SMYD1: variants seen among roughly 807,000 people sequenced by gnomAD.
SMYD1 encodes the protein histone-lysine N-methyltransferase SMYD1.
A neutral mutation model predicts 54.0 loss-of-function variants in SMYD1; 49 were observed. That is an observed-to-expected ratio of 0.91 (90% CI 0.72 to 1.15). The LOEUF (loss-of-function observed/expected upper bound fraction) is 1.15, where lower values mean the gene tolerates loss of function less well. SMYD1 is among the 50% of genes most tolerant of loss of function. SMYD1 has a pLI of 0.00. For synonymous variants in SMYD1, 269 were observed against 234.2 expected, an observed-to-expected ratio of 1.15 and a Z score of -1.36; for missense variants, 653 against 639.6, an observed-to-expected ratio of 1.02 and a Z score of -0.23.
rs886922542 is a variant in SMYD1 at position 88,101,247 on chromosome 2, T to C, written c.889-1811T>C. The stretch of plus-strand genomic sequence containing the variant: ...TACTGAGGGTGGCTTCACAAAACAA[T>C]GTAAACCGCAAATCGAAAGGAAGCT... On this transcript the variant is annotated intron_variant, in intron 6 of 9. Coordinates refer to ENST00000419482, the MANE Select transcript of SMYD1 (RefSeq NM_198274.4). Among the ~76,000 whole-genome samples, 5 of 152,342 alleles carry C rather than the reference T, an allele frequency of 3.3e-5. No individual in the cohort carries two copies. The East Asian group carries it at 7.7e-4, about 24-fold the overall frequency.
At chr2:88,079,512 T>G (rs558802849) in intron 1 of SMYD1, among the ~76,000 whole-genome samples, 4 of 152,162 alleles carry the variant, frequency 2.6e-5, no homozygotes. Context: ...CCATCCCTGA[T>G]GTCTGCAATA....
Position 88,093,539 on chromosome 2 carries a change from T to C in SMYD1, c.682T>C (p.Phe228Leu), listed in dbSNP as rs376233846. ...CAGTCATGAGGCAGTGAAATCCATGTTTCATACCCAGATGAGGTGGGTCAG... is the reference window on the plus strand; with the variant it reads ...CAGTCATGAGGCAGTGAAATCCATGCTTCATACCCAGATGAGGTGGGTCAG... The part of the protein sequence containing the change: ...NGNHEAVKSM[F>L]HTQMRIELRA... The change falls in exon 5 of 10, where the codon TTT (phenylalanine) becomes CTT (leucine). Residue 228 changes from phenylalanine (F) to leucine (L), a missense_variant. Transcript: ENST00000419482. The C allele has an allele frequency of 1.7e-5, 27 of 1,614,056 alleles. No homozygotes were observed. Among genetic ancestry groups the C allele is most frequent in the Non-Finnish European group, 2.3e-5 (27 of 1,180,042 alleles).
At chr2:88,103,757 C>A (rs1294954900) in intron 7 of SMYD1, among the ~76,000 whole-genome samples, 1 of 152,028 alleles carries the variant, frequency 6.6e-6, no homozygotes, top group Non-Finnish European at 1.5e-5. Context: ...CACTGGCCTG[C>A]GGGGTATTTG....
Position 88,107,647 on chromosome 2 carries a change from C to T in SMYD1, c.1146-724C>T, listed in dbSNP as rs545504586. On this transcript the variant is annotated intron_variant, in intron 8 of 9. Coordinates refer to ENST00000419482, the MANE Select transcript of SMYD1 (RefSeq NM_198274.4). ...CTACTCAAGCCTCAGCAATGGCGGGCGCCCCTCCCCCAGCCTCGCTGCCGC... is the reference window on the plus strand; with the variant it reads ...CTACTCAAGCCTCAGCAATGGCGGGTGCCCCTCCCCCAGCCTCGCTGCCGC... Among the ~76,000 whole-genome samples, 9 of 152,332 alleles carry T rather than the reference C, an allele frequency of 5.9e-5. No homozygotes were observed. In the South Asian group the frequency reaches 1.9e-3, roughly 32 times the overall value.
chr2:88,098,976 C>T (rs534624413), intron 6 of SMYD1, among the ~76,000 whole-genome samples: 7 of 152,222 alleles, frequency 4.6e-5, no homozygotes, highest in Non-Finnish European at 8.8e-5. Context: ...ATTTTTAAAA[C>T]GGGAAAATAA....
At chr2:88,087,754 C>T (rs957131652) in intron 2 of SMYD1, 108 bp from the exon 3 acceptor site, 22 of 977,130 alleles carry the variant, frequency 2.3e-5, no homozygotes, top group Admixed American at 3.0e-5. Flanking sequence ...AGTTTAAAAA[C>T]GTATCTTGGG....
chr2:88,088,674 C>T (rs1027711848), intron 3 of SMYD1, among the ~76,000 whole-genome samples: 2 of 152,076 alleles, frequency 1.3e-5, no homozygotes, highest in African/African-American at 4.8e-5. Flanking sequence ...TTTTCCTCTC[C>T]ACGTTGAAAA....
At chr2:88,081,801 G>A (rs558695531) in intron 1 of SMYD1, among the ~76,000 whole-genome samples, 174 of 151,550 alleles carry the variant, frequency 1.1e-3, no homozygotes, top group African/African-American at 4.1e-3. Flanking sequence ...GTGGAGATCC[G>A]GCAAGTGTAC....
chr2:88,109,735 C>A (rs1674966803), intron 9 of SMYD1, among the ~76,000 whole-genome samples: 1 of 152,130 alleles, frequency 6.6e-6, no homozygotes, highest in Non-Finnish European at 1.5e-5. Context: ...AATATATTAG[C>A]CCCTTAAAAT....
chr2:88,076,632 G>A (rs1674072716), intron 1 of SMYD1, among the ~76,000 whole-genome samples: 1 of 152,192 alleles, frequency 6.6e-6, no homozygotes, highest in Admixed American at 6.5e-5. Flanking sequence ...AGGGAAAGAA[G>A]AAAAGAAGAA....
Position 88,111,745 on chromosome 2 carries a change from A to C in SMYD1, c.*1233A>C, listed in dbSNP as rs1675028183. 4.2e-6 allele frequency: 1 copy of C among 240,300 alleles called. No homozygotes were observed. The highest frequency in any genetic ancestry group is 8.2e-6 in the Non-Finnish European group (1 of 122,282). The allele number at this position is 240,300 out of a possible 1,614,324, so 14.9% of individuals were successfully genotyped here. A position where few individuals can be genotyped will look rare whatever the true frequency, so the allele number is the denominator to read the frequency against. ...GAAATGAGGGTCTTGAGAATCAACCAGTCCCAAGATTAGCCTGTTATCCTG... is the reference window on the plus strand; with the variant it reads ...GAAATGAGGGTCTTGAGAATCAACCCGTCCCAAGATTAGCCTGTTATCCTG... On this transcript the variant is annotated 3_prime_UTR_variant, in exon 10 of 10. Transcript: ENST00000419482.
At chr2:88,108,089 C>G (rs1260494540) in intron 8 of SMYD1, among the ~76,000 whole-genome samples, 1 of 152,216 alleles carries the variant, frequency 6.6e-6, no homozygotes, top group Non-Finnish European at 1.5e-5. Flanking sequence ...TGGCTAGAGT[C>G]CCCAAGCTCA....
intron 5 of SMYD1, among the ~76,000 whole-genome samples, chr2:88,094,361 C>T (rs1166343386): frequency 6.6e-6 from 1 of 152,188 alleles, no homozygotes; most frequent in Non-Finnish European, 1.5e-5. Flanking sequence ...TCCCTAACCT[C>T]TGTGAGAAAT....
chr2:88,100,486 T>C (rs2970923), intron 6 of SMYD1, among the ~76,000 whole-genome samples: 51,881 of 152,032 alleles, frequency 0.34, 9,587 homozygotes, highest in African/African-American at 0.49. Context: ...AGATTAGATA[T>C]TAGGGGTCAT....
intron 3 of SMYD1, among the ~76,000 whole-genome samples, chr2:88,090,139 T>C (rs2919855): frequency 6.6e-6 from 1 of 152,140 alleles, no homozygotes; most frequent in African/African-American, 2.4e-5. Flanking sequence ...ACTCAGAGGC[T>C]TAACATCATG....
At chr2:88,089,583 C>CTCTTTTTTTTTTTTTT (rs1481581789) in intron 3 of SMYD1, among the ~76,000 whole-genome samples, 1 of 114,990 alleles carries the variant, frequency 8.7e-6, no homozygotes, top group Non-Finnish European at 1.8e-5. Context: ...GAGCTTCTAC[C>CTCTTTTTTTTTTTTTT]TGTTTTTTTT....
intron 7 of SMYD1, among the ~76,000 whole-genome samples, chr2:88,104,742 A>G (rs1438975908): frequency 6.6e-6 from 1 of 152,244 alleles, no homozygotes; most frequent in Non-Finnish European, 1.5e-5. Context: ...GAATTGTATG[A>G]CATTTCTCCC....
At position 88,112,205 on chromosome 2, in the gene SMYD1, C is replaced by A; in HGVS notation, c.*1693C>A. On this transcript the variant is annotated 3_prime_UTR_variant, in exon 10 of 10. Transcript: ENST00000419482. ...TAACTGGCTAGTTCAAATTATCACT[C>A]TTTTACCTTCATATAAAATGTCTCC... 1.4e-6 allele frequency: 1 copy of A among 697,698 alleles called. No individual in the cohort carries two copies. Among genetic ancestry groups the A allele is most frequent in the East Asian group, 2.7e-5 (1 of 37,148 alleles). 43.2% of individuals were successfully genotyped at this position (697,698 alleles called of 1,614,324 possible).
At chr2:88,072,361 G>T (rs1281481880) in intron 1 of SMYD1, among the ~76,000 whole-genome samples, 1 of 152,200 alleles carries the variant, frequency 6.6e-6, no homozygotes, top group Admixed American at 6.5e-5. Flanking sequence ...CTGTTGCCCA[G>T]GCTGGTCTCG....
Sources: allele counts gnomAD v4.1 joint callset (sites outside exome capture counted in the v4.1 genomes callset), GRCh38; gene constraint gnomAD v4.1.1; transcripts MANE v1.5; gene names NCBI Gene and HGNC (gene_info 2026-07-23, HGNC 2026-07-21).